GRID2: variants seen among roughly 807,000 people sequenced by gnomAD.
GRID2 encodes glutamate ionotropic receptor delta type subunit 2, also known as glutamate receptor ionotropic, delta-2.
A neutral mutation model predicts 114.8 loss-of-function variants in GRID2; 33 were observed. The ratio of observed to expected loss-of-function variants is 0.29; its 90% CI spans 0.22 to 0.38. The LOEUF (loss-of-function observed/expected upper bound fraction) is 0.38. Ranked by LOEUF, GRID2 falls within the 10% of genes least tolerant of loss-of-function variation. GRID2 has a pLI of 1.00. For synonymous variants in GRID2, 505 were observed against 449.9 expected, an observed-to-expected ratio of 1.12 and a Z score of -1.55; for missense variants, 1,184 against 1,257.7, an observed-to-expected ratio of 0.94 and a Z score of 0.89.
intron 2 of GRID2, among the ~76,000 whole-genome samples, chr4:92,749,404 T>G (rs540066940): frequency 5.2e-4 from 69 of 132,316 alleles, no homozygotes; most frequent in African/African-American, 1.9e-3. Flanking sequence ...AACCTCCGCC[T>G]CCCGGGCTCA....
intron 2 of GRID2, among the ~76,000 whole-genome samples, chr4:92,681,849 A>G (rs2149284955): frequency 6.6e-6 from 1 of 152,266 alleles, no homozygotes; most frequent in East Asian, 1.9e-4. Flanking sequence ...GGTATATGGT[A>G]AAGAAATGGA....
chr4:92,677,516 C>T (rs1313193045), intron 2 of GRID2, among the ~76,000 whole-genome samples: 1 of 152,070 alleles, frequency 6.6e-6, no homozygotes, highest in Non-Finnish European at 1.5e-5. Context: ...TTTCTCCTTG[C>T]ATGTGAAAAA....
At chr4:92,892,380 GAT>G (rs1437666230) in intron 2 of GRID2, among the ~76,000 whole-genome samples, 1 of 151,764 alleles carries the variant, frequency 6.6e-6, no homozygotes, top group East Asian at 1.9e-4. Flanking sequence ...TGTTCTGAGA[GAT>G]ATATTTTCTT....
chr4:92,476,506 A>C (rs556458581), intron 1 of GRID2, among the ~76,000 whole-genome samples: 13 of 152,284 alleles, frequency 8.5e-5, no homozygotes, highest in African/African-American at 2.4e-4. Flanking sequence ...TTAAAATTGA[A>C]TGATGGCATT....
At chr4:93,015,256 T>C (rs771535542) in intron 2 of GRID2, among the ~76,000 whole-genome samples, 1 of 151,938 alleles carries the variant, frequency 6.6e-6, no homozygotes, top group Non-Finnish European at 1.5e-5. Context: ...ATAGACTAGA[T>C]AGATCTAAAG....
At chr4:92,353,325 G>A (rs546495783) in intron 1 of GRID2, among the ~76,000 whole-genome samples, 1 of 150,976 alleles carries the variant, frequency 6.6e-6, no homozygotes, top group East Asian at 2.0e-4. Context: ...TCCAGTGTTT[G>A]GGCTTCATTA....
chr4:92,615,990 A>T (rs149080993), intron 2 of GRID2, among the ~76,000 whole-genome samples: 108 of 151,694 alleles, frequency 7.1e-4, no homozygotes, highest in African/African-American at 2.5e-3. Flanking sequence ...TGATTTATGC[A>T]TTTCTTTTAA....
chr4:93,539,889 T>C (rs905627224), intron 13 of GRID2, among the ~76,000 whole-genome samples: 6 of 152,074 alleles, frequency 3.9e-5, no homozygotes, highest in Non-Finnish European at 8.8e-5. Context: ...GATATGTCCA[T>C]TTCTATCATT....
intron 1 of GRID2, among the ~76,000 whole-genome samples, chr4:92,568,869 C>T (rs1187219668): frequency 1.3e-5 from 2 of 152,012 alleles, no homozygotes; most frequent in Non-Finnish European, 1.5e-5. Flanking sequence ...TAACAGCTTC[C>T]AGCTCCATCC....
At chr4:93,129,783 G>A (rs1579071596) in intron 4 of GRID2, among the ~76,000 whole-genome samples, 1 of 150,676 alleles carries the variant, frequency 6.6e-6, no homozygotes, top group East Asian at 2.0e-4. Context: ...CTGGCAGGGT[G>A]TATCTCAAAG....
intron 2 of GRID2, among the ~76,000 whole-genome samples, chr4:92,829,443 G>A (rs1741949522): frequency 6.6e-6 from 1 of 152,136 alleles, no homozygotes; most frequent in Admixed American, 6.6e-5. Flanking sequence ...AACAACAGAT[G>A]CTGGGGAGGT....
intron 2 of GRID2, among the ~76,000 whole-genome samples, chr4:92,683,821 C>T (rs1294346814): frequency 6.6e-6 from 1 of 151,686 alleles, no homozygotes; most frequent in African/African-American, 2.4e-5. Flanking sequence ...AATAATCTTT[C>T]TTAATTTTTA....
chr4:92,525,822 G>C (rs773077419), intron 1 of GRID2, among the ~76,000 whole-genome samples: 20 of 152,100 alleles, frequency 1.3e-4, no homozygotes, highest in Middle Eastern at 3.2e-3. Flanking sequence ...GGAAAGTTTT[G>C]CAAGGGAGAG....
intron 8 of GRID2, among the ~76,000 whole-genome samples, chr4:93,305,438 A>T (rs1045246625): frequency 6.6e-6 from 1 of 152,182 alleles, no homozygotes; most frequent in African/African-American, 2.4e-5. Flanking sequence ...GGTGAAGGGG[A>T]TAGGAACCTC....
intron 14 of GRID2, among the ~76,000 whole-genome samples, chr4:93,710,605 C>T (rs1437517197): frequency 6.6e-6 from 1 of 152,100 alleles, no homozygotes. Context: ...TTATTCAAGG[C>T]CCAAGGGCTC....
At chr4:92,822,274 G>C (rs1490886436) in intron 2 of GRID2, 2 of 583,476 alleles carry the variant, frequency 3.4e-6, no homozygotes, top group Non-Finnish European at 6.8e-6. Context: ...AGATCGCATG[G>C]CATGGCATGG....
intron 12 of GRID2, among the ~76,000 whole-genome samples, chr4:93,505,504 C>G (rs926215328): frequency 1.9e-4 from 28 of 150,998 alleles, no homozygotes; most frequent in African/African-American, 6.5e-4. Flanking sequence ...ACTGCACATG[C>G]TTTTTACCAT....
intron 10 of GRID2, among the ~76,000 whole-genome samples, chr4:93,423,252 T>C (rs1391696514): frequency 1.3e-5 from 2 of 151,348 alleles, no homozygotes; most frequent in Non-Finnish European, 2.9e-5. Context: ...GCTCAACTTA[T>C]ACCCCAAAAA....
intron 2 of GRID2, among the ~76,000 whole-genome samples, chr4:92,868,124 C>T (rs1745033222): frequency 6.7e-6 from 1 of 148,596 alleles, no homozygotes; most frequent in African/African-American, 2.5e-5. Flanking sequence ...TTTTAATGTG[C>T]AGTTGACAAG....
Sources: gnomAD v4.1 joint callset for allele counts (sites outside exome capture counted in the v4.1 genomes callset) on GRCh38, gnomAD v4.1.1 for gene constraint, MANE v1.5 for transcripts, NCBI Gene and HGNC (gene_info 2026-07-23, HGNC 2026-07-21) for gene names.